The following FAM13A variants were observed in gnomAD, a reference collection of about 807,000 sequenced individuals.
FAM13A encodes protein FAM13A.
Under a neutral mutation model 129.6 loss-of-function variants are expected in FAM13A, and 76 were observed. The observed-to-expected ratio is 0.59, with a 90% CI of 0.49 to 0.71. The LOEUF (loss-of-function observed/expected upper bound fraction) is 0.71. Ranked by LOEUF, FAM13A falls within the 30% of genes least tolerant of loss-of-function variation. The pLI, the probability that FAM13A is intolerant of heterozygous loss-of-function variation, is 0.00. For missense variants in FAM13A, 1,108 were observed against 1,249.3 expected (o/e 0.89, Z 1.70); for synonymous variants, 443 against 449.9 (o/e 0.98, Z 0.20).
chr4:88,915,884 C>T (rs1750034267), intron 5 of FAM13A, among the ~76,000 whole-genome samples: 1 of 152,138 alleles, frequency 6.6e-6, no homozygotes, highest in South Asian at 2.1e-4. Context: ...TTTGCGTCCT[C>T]TCTTGCCATG....
intron 4 of FAM13A, among the ~76,000 whole-genome samples, chr4:88,971,222 A>C (rs1051515123): frequency 1.4e-4 from 22 of 152,188 alleles, no homozygotes; most frequent in African/African-American, 5.1e-4. Context: ...TGCCTCAAAA[A>C]GAGAAAAAGA....
At chr4:88,942,055 C>T (rs1754849013) in intron 4 of FAM13A, among the ~76,000 whole-genome samples, 1 of 152,114 alleles carries the variant, frequency 6.6e-6, no homozygotes, top group Non-Finnish European at 1.5e-5. Flanking sequence ...ACTCTGCCTT[C>T]TGGTACACCT....
At chr4:88,896,299 T>TAC (rs1746307539) in intron 6 of FAM13A, among the ~76,000 whole-genome samples, 1 of 148,058 alleles carries the variant, frequency 6.8e-6, no homozygotes, top group Non-Finnish European at 1.5e-5. Flanking sequence ...AGGGATACCA[T>TAC]TGGGAGATAC....
At chr4:88,816,039 A>G (rs1481716102) in intron 7 of FAM13A, among the ~76,000 whole-genome samples, 1 of 152,050 alleles carries the variant, frequency 6.6e-6, no homozygotes, top group East Asian at 1.9e-4. Flanking sequence ...CTTTATCTTA[A>G]AAAAACCAAA....
chr4:88,957,652 C>G (rs573029248), intron 4 of FAM13A, among the ~76,000 whole-genome samples: 1 of 152,128 alleles, frequency 6.6e-6, no homozygotes, highest in African/African-American at 2.4e-5. Context: ...TTGGAGGACA[C>G]AGAAGAAGAT....
Position 88,787,935 on chromosome 4 carries a change from G to A in FAM13A, c.1092-3C>T. The A allele has an allele frequency of 6.2e-7, 1 of 1,603,804 alleles. No homozygotes were observed. The highest frequency in any genetic ancestry group is 8.5e-7 in the Non-Finnish European group (1 of 1,176,026). On this transcript the variant is annotated splice_polypyrimidine_tract_variant and splice_region_variant and intron_variant, in intron 9 of 23. Transcript: ENST00000264344. ...ATCGGATGGTTCTTTCTAAGAGTCT[G>A]GCAAAAAAGAATGCAGAGTCATTCA...
chr4:88,734,354 A>C (rs1293876283), intron 21 of FAM13A, among the ~76,000 whole-genome samples: 2 of 152,238 alleles, frequency 1.3e-5, no homozygotes, highest in Admixed American at 1.3e-4. Context: ...TATCTGAGTC[A>C]CTTGGACAAA....
chr4:88,960,949 G>A lies in FAM13A; in HGVS notation c.606-22708C>T, dbSNP rs554679034. Reference sequence around the variant, plus strand: ...TTATATTTATGGAAATTGATGACTTGCCTCCTTAAGAAGCACAGAAAGTGC... The same window carrying A: ...TTATATTTATGGAAATTGATGACTTACCTCCTTAAGAAGCACAGAAAGTGC... On this transcript the variant is annotated intron_variant, in intron 4 of 23. Transcript: ENST00000264344. Among the ~76,000 whole-genome samples, 3 of 152,238 alleles carry A rather than the reference G, an allele frequency of 2.0e-5. No individual in the cohort carries two copies. The South Asian group carries it at 6.2e-4, about 32-fold the overall frequency.
At position 89,052,202 on chromosome 4, in the gene FAM13A, C is replaced by T; in HGVS notation, c.27+4736G>A. ...AATGGGGCAGCTATAAAGTGTGGCA[C>T]TAGAGTGTGGGAGCTGAGCCTAAGA... is the stretch of plus-strand genomic sequence containing the variant. On this transcript the variant is annotated intron_variant, in intron 1 of 23. Transcript: ENST00000264344. Among the ~76,000 whole-genome samples the T allele has an allele frequency of 1.3e-5, 2 of 151,788 alleles. 1 individual carries two copies. Among genetic ancestry groups the T allele is most frequent in the Middle Eastern group, 6.9e-3 (2 of 290 alleles).
chr4:89,020,445 A>T lies in FAM13A; in HGVS notation c.427+15T>A. ...TAAAGTTGTTTTAACTCCTAAAAGG[A>T]TTTATTGTACTAACCCTGAAAGAGT... is the stretch of plus-strand genomic sequence containing the variant. On this transcript the variant is annotated intron_variant, in intron 3 of 23. Transcript: ENST00000264344. 1 of 1,604,140 alleles carries T rather than the reference A, an allele frequency of 6.2e-7. No individual in the cohort carries two copies. Among genetic ancestry groups the T allele is most frequent in the African/African-American group, 1.3e-5 (1 of 74,762 alleles).
chr4:88,858,292 G>A (rs763740546), intron 6 of FAM13A, among the ~76,000 whole-genome samples: 7 of 152,128 alleles, frequency 4.6e-5, no homozygotes, highest in African/African-American at 7.2e-5. Flanking sequence ...AAAGTTATTT[G>A]CTCAATTCTC....
At chr4:88,848,871 G>A (rs1351594230) in intron 7 of FAM13A, among the ~76,000 whole-genome samples, 1 of 151,844 alleles carries the variant, frequency 6.6e-6, no homozygotes, top group Non-Finnish European at 1.5e-5. Flanking sequence ...ATTCTACATT[G>A]TAAACTGCAG....
At chr4:88,970,688 A>G (rs1759961499) in intron 4 of FAM13A, among the ~76,000 whole-genome samples, 1 of 152,176 alleles carries the variant, frequency 6.6e-6, no homozygotes, top group Admixed American at 6.5e-5. Flanking sequence ...TAAATAACGT[A>G]GAGGTTAAAG....
In FAM13A at chr4:88,825,151, T is replaced by A. The variant is rs1414974372; in HGVS notation, c.1008-20099A>T. 2.6e-5 allele frequency among the ~76,000 whole-genome samples: 4 copies of A among 152,020 alleles called. No individual in the cohort carries two copies. The East Asian group carries it at 7.7e-4, about 29-fold the overall frequency. On this transcript the variant is annotated intron_variant, in intron 7 of 23. Transcript: ENST00000264344. The stretch of plus-strand genomic sequence containing the variant: ...ACCTGGAATCGGAATTTCTCCTGTC[T>A]ATTCTGGAACTCGCTGCTATATAGA...
intron 13 of FAM13A, among the ~76,000 whole-genome samples, chr4:88,764,906 T>C (rs1339291127): frequency 6.6e-6 from 1 of 152,244 alleles, no homozygotes; most frequent in Non-Finnish European, 1.5e-5. Flanking sequence ...GTAACTATTA[T>C]TGACCAATGC....
chr4:89,047,253 A>G (rs1393579306), intron 1 of FAM13A, among the ~76,000 whole-genome samples: 1 of 152,178 alleles, frequency 6.6e-6, no homozygotes, highest in African/African-American at 2.4e-5. Context: ...ACATACACAA[A>G]TATATTAAGT....
chr4:88,735,428 G>T (rs113196525), intron 21 of FAM13A, among the ~76,000 whole-genome samples: 97 of 152,262 alleles, frequency 6.4e-4, no homozygotes, highest in African/African-American at 2.2e-3. Context: ...TTTTAAGCTT[G>T]AGGATGGAAT....
intron 14 of FAM13A, among the ~76,000 whole-genome samples, chr4:88,751,679 G>C (rs960183023): frequency 1.3e-5 from 2 of 151,244 alleles, no homozygotes; most frequent in East Asian, 1.9e-4. Flanking sequence ...GAGGGCAACT[G>C]TCTACTTCTA....
At chr4:88,970,100 G>A (rs2148946607) in intron 4 of FAM13A, among the ~76,000 whole-genome samples, 1 of 152,336 alleles carries the variant, frequency 6.6e-6, no homozygotes, top group African/African-American at 2.4e-5. Context: ...CTGAATGTAT[G>A]AGGATTATGA....
Sources: allele counts gnomAD v4.1 joint callset (sites outside exome capture counted in the v4.1 genomes callset), GRCh38; gene constraint gnomAD v4.1.1; transcripts MANE v1.5; gene names NCBI Gene and HGNC (gene_info 2026-07-23, HGNC 2026-07-21).